UROC1: variants seen among roughly 807,000 people sequenced by gnomAD.
UROC1 encodes urocanate hydratase 1, also known as urocanate hydratase.
Under a neutral mutation model 89.5 loss-of-function variants are expected in UROC1, and 79 were observed. That is an observed-to-expected ratio of 0.88 (90% CI 0.74 to 1.06). UROC1 has a LOEUF of 1.06. Ranked by LOEUF, UROC1 falls within the 50% of genes least tolerant of loss-of-function variation. UROC1 has a pLI of 0.00. For missense variants in UROC1, 885 were observed against 907.8 expected, an observed-to-expected ratio of 0.97 and a Z score of 0.32; for synonymous variants, 361 against 354.8, an observed-to-expected ratio of 1.02 and a Z score of -0.20.
intron 15 of UROC1, among the ~76,000 whole-genome samples, chr3:126,494,816 G>A (rs1935741276): frequency 6.6e-6 from 1 of 152,080 alleles, no homozygotes; most frequent in Non-Finnish European, 1.5e-5. Flanking sequence ...TTCTGTGTGA[G>A]GCAGCCCCAC....
rs368628878 is a variant in UROC1 at position 126,483,373 on chromosome 3, T to C, written c.1886A>G (p.Asn629Ser). Residue 629 changes from asparagine to serine, a missense_variant, in exon 19 of 20, where the codon AAT becomes AGT. Asn to Ser is a conservative substitution (Grantham distance 46). Coordinates refer to ENST00000290868, the MANE Select transcript of UROC1 (RefSeq NM_144639.3). ...ARLMLSWDVS[N>S]GVARRCWSGN... ...GCAAGGACTGGGCTGACTTACACCA[T>C]TGGAGACATCCCAGCTGAGCATCAG... 44 of 1,612,942 alleles carry C rather than the reference T, an allele frequency of 2.7e-5. No individual in the cohort carries two copies. The highest frequency in any genetic ancestry group is 1.6e-4 in the Middle Eastern group (1 of 6,084).
At chr3:126,509,746 C>A in intron 2 of UROC1, 68 bp from the exon 3 acceptor site, 1 of 1,441,878 alleles carries the variant, frequency 6.9e-7, no homozygotes, top group South Asian at 1.2e-5. Flanking sequence ...CTGGCCCCGC[C>A]CAGCCCCTGG....
At chr3:126,498,957 C>T (rs1054922581) in intron 13 of UROC1, among the ~76,000 whole-genome samples, 2 of 152,090 alleles carry the variant, frequency 1.3e-5, no homozygotes, top group East Asian at 3.9e-4. Flanking sequence ...CCAGAGAGGC[C>T]CACGACCCCC....
chr3:126,507,752 C>T lies in UROC1; in HGVS notation c.592G>A (p.Gly198Arg). The T allele has an allele frequency of 6.2e-7, 1 of 1,614,178 alleles. No homozygotes were observed. Among genetic ancestry groups the T allele is most frequent in the Non-Finnish European group, 8.5e-7 (1 of 1,180,034 alleles). The change falls in exon 6 of 20, where the codon GGG (glycine) becomes AGG (arginine). Residue 198 changes from glycine to arginine, a missense_variant. By Grantham distance (125) the Gly-to-Arg change is moderately radical. Transcript: ENST00000290868. ...GAAATAGTGACTTACATTGTAACCC[C>T]CAAGGCAAAGAGCTTCTCATACTCC... Reference protein sequence around the residue: ...RTEYEKLFALGVTMYGQMTAG... With the variant: ...RTEYEKLFALRVTMYGQMTAG...
chr3:126,494,951 A>G (rs1159483043), intron 15 of UROC1, among the ~76,000 whole-genome samples: 1 of 152,058 alleles, frequency 6.6e-6, no homozygotes, highest in Non-Finnish European at 1.5e-5. Context: ...TGCTCCAAAC[A>G]CTGCCACCAC....
chr3:126,510,575 C>T, intron 2 of UROC1, 89 bp downstream of exon 2: 1 of 1,573,776 alleles, frequency 6.4e-7, no homozygotes, highest in Non-Finnish European at 8.6e-7. Context: ...TCACTGCCGA[C>T]TCCCTCCTTG....
In UROC1 at chr3:126,505,851, G is replaced by A. The variant is rs1351428025; in HGVS notation, c.670-7C>T. 6.2e-7 allele frequency: 1 copy of A among 1,613,426 alleles called. No individual in the cohort carries two copies. The highest frequency in any genetic ancestry group is 8.5e-7 in the Non-Finnish European group (1 of 1,180,020). ...CAGCATTCAACACGGTGAGCTGCAG[G>A]GAGAAGAGGTGGGGGCTCACTGCCC... On this transcript the variant is annotated splice_region_variant and splice_polypyrimidine_tract_variant and intron_variant, in intron 7 of 19. Transcript: ENST00000290868.
intron 1 of UROC1, 24 bp from the exon 2 acceptor site, chr3:126,510,818 A>G (rs780463541): frequency 1.2e-5 from 20 of 1,609,216 alleles, no homozygotes; most frequent in Middle Eastern, 1.7e-4. Flanking sequence ...GCGGAGAGGC[A>G]GTCGGGGCTG....
intron 19 of UROC1, 45 bp downstream of exon 19, chr3:126,483,324 T>C: frequency 6.4e-7 from 1 of 1,571,504 alleles, no homozygotes. Context: ...ATCACCCAGC[T>C]GAAGGCCCTG....
At chr3:126,497,994 G>A (rs1935820828) in intron 14 of UROC1, 57 bp downstream of exon 14, 2 of 1,612,666 alleles carry the variant, frequency 1.2e-6, no homozygotes, top group African/African-American at 2.7e-5. Context: ...TGTCTCTATG[G>A]AGGCAGAAGC....
chr3:126,511,031 T>A (rs1342242772), intron 1 of UROC1, among the ~76,000 whole-genome samples: 3 of 152,046 alleles, frequency 2.0e-5, no homozygotes, highest in African/African-American at 7.2e-5. Flanking sequence ...CCCTCTCTCT[T>A]CTTGCTTACG....
intron 15 of UROC1, among the ~76,000 whole-genome samples, chr3:126,494,115 G>A (rs1935719783): frequency 6.6e-6 from 1 of 152,208 alleles, no homozygotes; most frequent in Admixed American, 6.5e-5. Context: ...GTGAGGAACT[G>A]ACATAGGATT....
At chr3:126,483,739 C>T (rs976926425) in intron 18 of UROC1, among the ~76,000 whole-genome samples, 16 of 152,238 alleles carry the variant, frequency 1.1e-4, no homozygotes, top group Admixed American at 3.9e-4. Flanking sequence ...GGAGGTCATC[C>T]CTTGATGGAA....
intron 1 of UROC1, among the ~76,000 whole-genome samples, chr3:126,515,576 A>G (rs1464715224): frequency 1.9e-5 from 1 of 53,082 alleles, no homozygotes; most frequent in Non-Finnish European, 3.6e-5. Flanking sequence ...ACTCCCCAGC[A>G]CCCACCACCT....
Position 126,517,744 on chromosome 3 carries a change from C to T in UROC1, c.-25G>A. ...TGTGTGACTGAGATGGAGGCAGAGG[C>T]CAGCACTGTGGGGAGGCCAGGAAGA... On this transcript the variant is annotated 5_prime_UTR_variant, in exon 1 of 20. Coordinates refer to ENST00000290868, the MANE Select transcript of UROC1 (RefSeq NM_144639.3). 6.4e-7 allele frequency: 1 copy of T among 1,557,380 alleles called. No individual in the cohort carries two copies. Among genetic ancestry groups the T allele is most frequent in the Non-Finnish European group, 8.7e-7 (1 of 1,151,284 alleles).
chr3:126,487,031 T>C (rs914400415), intron 18 of UROC1, among the ~76,000 whole-genome samples: 4 of 152,210 alleles, frequency 2.6e-5, no homozygotes, highest in Non-Finnish European at 5.9e-5. Context: ...GGGGGAAACC[T>C]TGGGGGAGCA....
intron 2 of UROC1, 70 bp downstream of exon 2, chr3:126,510,594 C>G: frequency 1.3e-6 from 2 of 1,596,266 alleles, no homozygotes; most frequent in Non-Finnish European, 1.7e-6. Context: ...TGTTCCTGGC[C>G]CCCAGCACAG....
chr3:126,510,178 C>T (rs1202852966), intron 2 of UROC1, among the ~76,000 whole-genome samples: 1 of 152,160 alleles, frequency 6.6e-6, no homozygotes, highest in Non-Finnish European at 1.5e-5. Flanking sequence ...AGCTCCACCC[C>T]AGAACTGCTG....
At chr3:126,486,747 G>A (rs886424073) in intron 18 of UROC1, among the ~76,000 whole-genome samples, 7 of 152,202 alleles carry the variant, frequency 4.6e-5, no homozygotes, top group African/African-American at 1.2e-4. Flanking sequence ...GGGGTGGGGC[G>A]TCCCCTTGGA....
Sources: gnomAD v4.1 joint callset for allele counts (sites outside exome capture counted in the v4.1 genomes callset) on GRCh38, gnomAD v4.1.1 for gene constraint, MANE v1.5 for transcripts, NCBI Gene and HGNC (gene_info 2026-07-23, HGNC 2026-07-21) for gene names.